Variants in KIF16B observed in about 807,000 individuals in gnomAD.
KIF16B encodes kinesin-like protein KIF16B.
KIF16B carries 98 observed loss-of-function variants against 156.3 expected under a neutral mutation model. The observed-to-expected ratio is 0.63, with a 90% CI of 0.53 to 0.74. KIF16B has a LOEUF of 0.74. Ranked by LOEUF, KIF16B falls within the 30% of genes least tolerant of loss-of-function variation. The pLI, the probability that KIF16B is intolerant of heterozygous loss-of-function variation, is 0.00. For missense variants in KIF16B, 1,421 were observed against 1,606.5 expected, an observed-to-expected ratio of 0.88 and a Z score of 1.97; for synonymous variants, 564 against 583.7, an observed-to-expected ratio of 0.97 and a Z score of 0.49.
intron 13 of KIF16B, 69 bp from the exon 14 acceptor site, chr20:16,429,073 T>C (rs571045345): frequency 9.7e-6 from 13 of 1,344,256 alleles, no homozygotes; most frequent in East Asian, 4.6e-5. Flanking sequence ...TCATTTTTCA[T>C]TGAAGCCCAA....
chr20:16,494,244 A>T, intron 12 of KIF16B, 47 bp downstream of exon 12: 1 of 1,152,742 alleles, frequency 8.7e-7, no homozygotes, highest in Non-Finnish European at 1.3e-6. Flanking sequence ...AAGTTTTACC[A>T]GTTTAATCCA....
intron 15 of KIF16B, among the ~76,000 whole-genome samples, chr20:16,418,602 G>T (rs1370190108): frequency 6.6e-6 from 1 of 152,122 alleles, no homozygotes; most frequent in Non-Finnish European, 1.5e-5. Flanking sequence ...ACCATGGAGT[G>T]GTTCTGGCCA....
intron 25 of KIF16B, among the ~76,000 whole-genome samples, chr20:16,294,633 G>A (rs756908986): frequency 6.6e-6 from 1 of 152,144 alleles, no homozygotes; most frequent in Non-Finnish European, 1.5e-5. Context: ...AGGGTCCATG[G>A]GGGCTGCCTT....
intron 24 of KIF16B, among the ~76,000 whole-genome samples, chr20:16,332,444 G>C (rs777088211): frequency 7.9e-5 from 12 of 152,152 alleles, no homozygotes; most frequent in Non-Finnish European, 1.8e-4. Flanking sequence ...GTTTGTTTTA[G>C]GAGCTTACTA....
intron 12 of KIF16B, among the ~76,000 whole-genome samples, chr20:16,440,918 C>G (rs190718803): frequency 6.6e-6 from 1 of 152,110 alleles, no homozygotes; most frequent in South Asian, 2.1e-4. Flanking sequence ...AGCAAATCAT[C>G]GAGATGTCAG....
intron 3 of KIF16B, 82 bp from the exon 4 acceptor site, chr20:16,515,746 A>C (rs1235277689): frequency 6.6e-6 from 5 of 754,278 alleles, no homozygotes; most frequent in Non-Finnish European, 1.1e-5. Flanking sequence ...AATGTTCTTG[A>C]ATGATACTTT....
chr20:16,283,199 TAAG>T (rs74175679), intron 25 of KIF16B, among the ~76,000 whole-genome samples: 1,739 of 152,180 alleles, frequency 0.011, 11 homozygotes, highest in Non-Finnish European at 0.02. Context: ...GTTTATGTAA[TAAG>T]AGAGAAAATT....
chr20:16,435,722 G>C (rs1452041611), intron 12 of KIF16B, among the ~76,000 whole-genome samples: 1 of 151,928 alleles, frequency 6.6e-6, no homozygotes, highest in Non-Finnish European at 1.5e-5. Context: ...TTACTATCTT[G>C]ATCATTCCAT....
chr20:16,395,656 G>A (rs2065482438), intron 17 of KIF16B, among the ~76,000 whole-genome samples: 1 of 145,738 alleles, frequency 6.9e-6, no homozygotes, highest in Non-Finnish European at 1.5e-5. Flanking sequence ...AAGTAGCTCA[G>A]CACAGAACTA....
Position 16,368,836 on chromosome 20 carries a change from G to GT in KIF16B, c.3498+1749dup, listed in dbSNP as rs1331994847. On this transcript the variant is annotated intron_variant, in intron 22 of 25. Coordinates refer to ENST00000354981, the MANE Select transcript of KIF16B (RefSeq NM_024704.5). ...GCTATTTATAGACACTTCTTGGGAC[G>GT]TATGTTGCAGCAAAGTCCAACTGGA... 7.1e-6 allele frequency: 7 copies of GT among 985,772 alleles called. No individual in the cohort carries two copies. The East Asian group carries it at 8.0e-4, about 112-fold the overall frequency. The allele number at this position is 985,772 out of a possible 1,614,324, so 61.1% of individuals were successfully genotyped here. A position where few individuals can be genotyped will look rare whatever the true frequency, so the allele number is the denominator to read the frequency against.
chr20:16,526,869 CAT>C lies in KIF16B; in HGVS notation c.118-666_118-665del, dbSNP rs1408154173. Among the ~76,000 whole-genome samples the C allele has an allele frequency of 2.0e-5, 3 of 152,188 alleles. No homozygotes were observed. In the East Asian group the frequency reaches 5.8e-4, roughly 29 times the overall value. On this transcript the variant is annotated intron_variant, in intron 2 of 25. Transcript: ENST00000354981. Reference sequence around the variant, plus strand: ...ACTTCAATGAGCACCACGTTTTCCACATGATTCACATATTATAAAAAAATTGT... The same window carrying C: ...ACTTCAATGAGCACCACGTTTTCCACGATTCACATATTATAAAAAAATTGT...
chr20:16,505,353 A>G (rs2068743095), intron 9 of KIF16B, among the ~76,000 whole-genome samples: 1 of 151,788 alleles, frequency 6.6e-6, no homozygotes, highest in Admixed American at 6.6e-5. Flanking sequence ...CCCAATTCTT[A>G]CTTTTAAATT....
intron 2 of KIF16B, among the ~76,000 whole-genome samples, chr20:16,526,997 C>T (rs949816048): frequency 2.6e-5 from 4 of 152,138 alleles, no homozygotes; most frequent in African/African-American, 4.8e-5. Flanking sequence ...ACAGAGTAAT[C>T]GAGGAAAATA....
chr20:16,280,552 C>A (rs1403754373), intron 25 of KIF16B, among the ~76,000 whole-genome samples: 1 of 152,146 alleles, frequency 6.6e-6, no homozygotes, highest in Admixed American at 6.5e-5. Context: ...CTTATGTGAG[C>A]CCCTAAGACA....
intron 1 of KIF16B, among the ~76,000 whole-genome samples, chr20:16,545,631 C>T (rs2070378070): frequency 6.6e-6 from 1 of 152,196 alleles, no homozygotes; most frequent in Non-Finnish European, 1.5e-5. Context: ...CACCACTGCA[C>T]TCCAGCCTGG....
intron 24 of KIF16B, among the ~76,000 whole-genome samples, chr20:16,318,193 C>A (rs1387356681): frequency 6.6e-6 from 1 of 152,014 alleles, no homozygotes; most frequent in Non-Finnish European, 1.5e-5. Flanking sequence ...TTAGAAGGAA[C>A]CAAAACTGAA....
intron 24 of KIF16B, among the ~76,000 whole-genome samples, chr20:16,327,487 A>G (rs2063876186): frequency 6.6e-6 from 1 of 152,078 alleles, no homozygotes; most frequent in South Asian, 2.1e-4. Flanking sequence ...GATAGATGCA[A>G]AAGAGGACAG....
At position 16,573,218 on chromosome 20, in the gene KIF16B, G is replaced by C; in HGVS notation, c.47+11C>G. 1 of 1,584,080 alleles carries C rather than the reference G, an allele frequency of 6.3e-7. No homozygotes were observed. Among genetic ancestry groups the C allele is most frequent in the Non-Finnish European group, 8.6e-7 (1 of 1,165,866 alleles). On this transcript the variant is annotated intron_variant, in intron 1 of 25. Coordinates refer to ENST00000354981, the MANE Select transcript of KIF16B (RefSeq NM_024704.5). ...GCGACGAGGGGGCGGGGCGCGGGCG[G>C]CCCCACTCACCTGCGATTCATGGGC...
chr20:16,386,593 G>T (rs1193488158), intron 17 of KIF16B, among the ~76,000 whole-genome samples: 1 of 151,796 alleles, frequency 6.6e-6, no homozygotes, highest in Non-Finnish European at 1.5e-5. Context: ...TTTAACAGAT[G>T]AAATAGACTT....
Sources: allele counts gnomAD v4.1 joint callset (sites outside exome capture counted in the v4.1 genomes callset), GRCh38; gene constraint gnomAD v4.1.1; transcripts MANE v1.5; gene names NCBI Gene and HGNC (gene_info 2026-07-23, HGNC 2026-07-21).